The following RORA variants were observed in gnomAD, a reference collection of about 807,000 sequenced individuals.
The protein encoded by RORA is nuclear receptor ROR-alpha.
Under a neutral mutation model 69.5 loss-of-function variants are expected in RORA, and 7 were observed. The ratio of observed to expected loss-of-function variants is 0.10; its 90% CI spans 0.06 to 0.19. The LOEUF (loss-of-function observed/expected upper bound fraction) is 0.19. Ranked by LOEUF, RORA falls within the 10% of genes least tolerant of loss-of-function variation. RORA has a pLI of 1.00. For synonymous variants in RORA, 261 were observed against 240.8 expected (o/e 1.08, Z -0.78); for missense variants, 457 against 663.0 (o/e 0.69, Z 3.41).
chr15:60,696,934 C>T (rs754609224), intron 1 of RORA, among the ~76,000 whole-genome samples: 1 of 152,144 alleles, frequency 6.6e-6, no homozygotes, highest in Non-Finnish European at 1.5e-5. Context: ...TTCTTCTGAT[C>T]ATTTTTCAAA....
intron 1 of RORA, among the ~76,000 whole-genome samples, chr15:61,030,934 T>A (rs1276153580): frequency 6.6e-6 from 1 of 152,176 alleles, no homozygotes; most frequent in Non-Finnish European, 1.5e-5. Flanking sequence ...TGTATATGTG[T>A]GTATAAAAAA....
intron 1 of RORA, among the ~76,000 whole-genome samples, chr15:61,021,841 G>A (rs766306908): frequency 1.1e-4 from 16 of 152,158 alleles, no homozygotes; most frequent in East Asian, 3.8e-4. Context: ...TCCTACCTGC[G>A]GTTCTAGCCT....
intron 1 of RORA, among the ~76,000 whole-genome samples, chr15:60,779,302 C>CGA (rs1445147343): frequency 1.3e-5 from 2 of 152,106 alleles, no homozygotes; most frequent in Non-Finnish European, 2.9e-5. Context: ...CTTTTTGCAT[C>CGA]CTCAGTTTTC....
At chr15:60,618,364 T>C (rs1168469488) in intron 2 of RORA, among the ~76,000 whole-genome samples, 1 of 152,160 alleles carries the variant, frequency 6.6e-6, no homozygotes, top group Non-Finnish European at 1.5e-5. Flanking sequence ...CAGATACATG[T>C]AGCAGGTGGT....
Position 60,502,835 on chromosome 15 carries a change from G to A in RORA, c.1108C>T (p.Arg370Cys), listed in dbSNP as rs2065373885. The change falls in exon 8 of 11, where the codon CGT becomes TGT. Residue 370 changes from arginine to cysteine, a missense_variant. Coordinates refer to ENST00000335670, the MANE Select transcript of RORA (RefSeq NM_134261.3). ...GTGTTGTTCTGAGAGTCAAAGGCACGGCACATTCTGATAAACACCACCTCT... is the reference window on the plus strand; with the variant it reads ...GTGTTGTTCTGAGAGTCAAAGGCACAGCACATTCTGATAAACACCACCTCT... ...SLEVVFIRMC[R>C]AFDSQNNTVY... 4 of 1,613,762 alleles carry A rather than the reference G, an allele frequency of 2.5e-6. No individual in the cohort carries two copies. The highest frequency in any genetic ancestry group is 3.4e-6 in the Non-Finnish European group (4 of 1,179,740).
At chr15:60,818,318 A>G (rs2072845121) in intron 1 of RORA, among the ~76,000 whole-genome samples, 1 of 152,248 alleles carries the variant, frequency 6.6e-6, no homozygotes, top group Non-Finnish European at 1.5e-5. Context: ...TTTTTCAGGA[A>G]TTTTCCACAT....
At chr15:60,739,454 C>T (rs2071544799) in intron 1 of RORA, among the ~76,000 whole-genome samples, 3 of 152,032 alleles carry the variant, frequency 2.0e-5, no homozygotes, top group African/African-American at 7.3e-5. Flanking sequence ...CACCTGTGGT[C>T]CTGCTACTCG....
At chr15:61,166,408 G>C (rs1476489052) in intron 1 of RORA, among the ~76,000 whole-genome samples, 4 of 152,014 alleles carry the variant, frequency 2.6e-5, no homozygotes, top group Non-Finnish European at 1.5e-5. Flanking sequence ...ACAGCAATAG[G>C]AATAAAAACA....
chr15:61,175,544 A>AT (rs1555417225), intron 1 of RORA, among the ~76,000 whole-genome samples: 48 of 149,558 alleles, frequency 3.2e-4, no homozygotes, highest in African/African-American at 8.6e-4. Context: ...CTGTTTCTAA[A>AT]AAAAAAAAAA....
intron 1 of RORA, among the ~76,000 whole-genome samples, chr15:61,099,366 C>T (rs2078844448): frequency 6.6e-6 from 1 of 152,170 alleles, no homozygotes; most frequent in Non-Finnish European, 1.5e-5. Flanking sequence ...TTCTAATTAT[C>T]TCCTAAAGGA....
chr15:61,075,133 A>T (rs1404497842), intron 1 of RORA, among the ~76,000 whole-genome samples: 1 of 151,974 alleles, frequency 6.6e-6, no homozygotes, highest in African/African-American at 2.4e-5. Flanking sequence ...GCACGTTCAG[A>T]TTCAGCATGG....
At chr15:60,603,259 C>T (rs2068862685) in intron 2 of RORA, among the ~76,000 whole-genome samples, 1 of 152,134 alleles carries the variant, frequency 6.6e-6, no homozygotes, top group South Asian at 2.1e-4. Context: ...CCTAAATTTA[C>T]ATTTATATTG....
chr15:60,645,222 AG>A (rs2070018221), intron 2 of RORA, among the ~76,000 whole-genome samples: 1 of 151,810 alleles, frequency 6.6e-6, no homozygotes, highest in East Asian at 1.9e-4. Flanking sequence ...TCGTGGCATG[AG>A]GGAGGGGGAA....
At chr15:60,852,271 G>A (rs955972439) in intron 1 of RORA, among the ~76,000 whole-genome samples, 1 of 152,186 alleles carries the variant, frequency 6.6e-6, no homozygotes, top group East Asian at 1.9e-4. Flanking sequence ...GCTTATAGGA[G>A]CTAACATCAT....
intron 1 of RORA, among the ~76,000 whole-genome samples, chr15:61,164,962 A>G (rs1216481692): frequency 2.0e-5 from 3 of 152,170 alleles, no homozygotes; most frequent in Admixed American, 1.3e-4. Context: ...ACAGATCGGC[A>G]GCTTTACCCA....
chr15:60,587,495 G>A (rs2068368881), intron 2 of RORA, among the ~76,000 whole-genome samples: 1 of 152,158 alleles, frequency 6.6e-6, no homozygotes, highest in South Asian at 2.1e-4. Context: ...CACGTTATCA[G>A]ATGGAAAAGC....
chr15:61,037,031 G>C (rs1354515438), intron 1 of RORA, among the ~76,000 whole-genome samples: 1 of 152,030 alleles, frequency 6.6e-6, no homozygotes. Context: ...GCGGCAACAG[G>C]GTAGATAGCT....
intron 3 of RORA, among the ~76,000 whole-genome samples, chr15:60,518,642 C>G (rs1220818888): frequency 2.0e-5 from 3 of 152,196 alleles, no homozygotes; most frequent in Non-Finnish European, 4.4e-5. Context: ...GGGCTAGGTA[C>G]AAGACAATTA....
intron 2 of RORA, among the ~76,000 whole-genome samples, chr15:60,635,760 T>A (rs1263909661): frequency 6.6e-6 from 1 of 152,116 alleles, no homozygotes; most frequent in Non-Finnish European, 1.5e-5. Context: ...CTGAAGATCG[T>A]TAGGGTAAAT....
Sources: allele counts gnomAD v4.1 joint callset (sites outside exome capture counted in the v4.1 genomes callset), GRCh38; gene constraint gnomAD v4.1.1; transcripts MANE v1.5; gene names NCBI Gene and HGNC (gene_info 2026-07-23, HGNC 2026-07-21).